Variants in MAP1B observed in about 807,000 individuals in gnomAD.
The protein encoded by MAP1B is microtubule-associated protein 1B.
A neutral mutation model predicts 176.1 loss-of-function variants in MAP1B; 12 were observed. The observed-to-expected ratio is 0.07, with a 90% CI of 0.04 to 0.11. The LOEUF (loss-of-function observed/expected upper bound fraction) is 0.11, where lower values mean the gene tolerates loss of function less well. Among genes scored for constraint, MAP1B ranks in the 10% least tolerant of loss-of-function variants. MAP1B has a pLI of 1.00. For missense variants in MAP1B, 2,523 were observed against 2,990.5 expected, an observed-to-expected ratio of 0.84 and a Z score of 3.65; for synonymous variants, 1,044 against 1,135.0, an observed-to-expected ratio of 0.92 and a Z score of 1.61.
At position 72,107,679 on chromosome 5, in the gene MAP1B, G is replaced by A. The variant is rs1745114739; in HGVS notation, c.148G>A (p.Glu50Lys). 5 of 1,599,904 alleles carry A rather than the reference G, an allele frequency of 3.1e-6. No homozygotes were observed. The highest frequency in any genetic ancestry group is 3.4e-6 in the Non-Finnish European group (4 of 1,179,650). The change falls in exon 1 of 7, where the codon GAG (glutamate) becomes AAG (lysine). Residue 50 changes from glutamate (E) to lysine (K), a missense_variant. Glu to Lys is a moderately conservative substitution (Grantham distance 56). Coordinates refer to ENST00000296755, the MANE Select transcript of MAP1B (RefSeq NM_005909.5). ...GGTCGTCGGCGAGATCGTGACCGAG[G>A]AGCACCTGCGGCGTGCCATCGGCAA... is the stretch of plus-strand genomic sequence containing the variant. ...LVVVGEIVTE[E>K]HLRRAIGNIE...
At chr5:72,156,598 C>T (rs1363262170) in intron 2 of MAP1B, among the ~76,000 whole-genome samples, 2 of 152,180 alleles carry the variant, frequency 1.3e-5, no homozygotes, top group Admixed American at 6.5e-5. Context: ...AACTCAGATT[C>T]GGACAGTGCT....
intron 2 of MAP1B, among the ~76,000 whole-genome samples, chr5:72,143,141 A>T (rs115340503): frequency 6.6e-6 from 1 of 152,164 alleles, no homozygotes; most frequent in Non-Finnish European, 1.5e-5. Flanking sequence ...GTGTAGAAAC[A>T]TCTTTGCACG....
intron 2 of MAP1B, chr5:72,116,541 G>A (rs1031548141): frequency 1.8e-5 from 6 of 336,862 alleles, no homozygotes; most frequent in Non-Finnish European, 2.8e-5. Context: ...TGCCTCTGGC[G>A]CTGGAGATGT....
At chr5:72,114,527 C>T (rs1016199951) in intron 1 of MAP1B, among the ~76,000 whole-genome samples, 4 of 152,196 alleles carry the variant, frequency 2.6e-5, no homozygotes, top group Non-Finnish European at 4.4e-5. Flanking sequence ...ATTGAGAATG[C>T]TGTATACAAA....
At chr5:72,165,985 C>G (rs914382253) in intron 2 of MAP1B, among the ~76,000 whole-genome samples, 2 of 152,180 alleles carry the variant, frequency 1.3e-5, no homozygotes, top group African/African-American at 4.8e-5. Flanking sequence ...CTCACAACAA[C>G]TCTTAGGGTA....
chr5:72,151,092 G>A (rs990066814), intron 2 of MAP1B, among the ~76,000 whole-genome samples: 8 of 152,274 alleles, frequency 5.3e-5, no homozygotes, highest in African/African-American at 1.7e-4. Context: ...GAAGCCTGGC[G>A]TTGGCATCTG....
In MAP1B at chr5:72,197,198, G is replaced by C; in HGVS notation, c.3843G>C (p.Leu1281=). The C allele has an allele frequency of 6.2e-7, 1 of 1,614,212 alleles. No individual in the cohort carries two copies. The highest frequency in any genetic ancestry group is 2.2e-5 in the East Asian group (1 of 44,888). The part of the protein sequence containing the change: ...PLGERSVNFS[L]TPNEIKVSAE... ...GTGAACGTAGTGTGAACTTCTCTCT[G>C]ACGCCCAATGAGATTAAAGTCTCTG... is the stretch of plus-strand genomic sequence containing the variant. Residue 1281 remains leucine (L), a synonymous_variant, in exon 5 of 7, where the codon CTG becomes CTC. Coordinates refer to ENST00000296755, the MANE Select transcript of MAP1B (RefSeq NM_005909.5).
At chr5:72,124,002 T>G (rs1745579278) in intron 2 of MAP1B, among the ~76,000 whole-genome samples, 1 of 152,134 alleles carries the variant, frequency 6.6e-6, no homozygotes, top group African/African-American at 2.4e-5. Context: ...GTGTGTCTAA[T>G]TCCTAAAGAA....
intron 2 of MAP1B, among the ~76,000 whole-genome samples, chr5:72,176,314 G>C (rs547425384): frequency 6.6e-6 from 1 of 152,318 alleles, no homozygotes; most frequent in South Asian, 2.1e-4. Flanking sequence ...TGGCATCACA[G>C]CTTGAAAATC....
intron 2 of MAP1B, among the ~76,000 whole-genome samples, chr5:72,120,721 C>T (rs1023275036): frequency 2.0e-5 from 3 of 152,138 alleles, no homozygotes; most frequent in Non-Finnish European, 2.9e-5. Flanking sequence ...CCACTGCGCC[C>T]GGCCCCACCT....
At chr5:72,160,168 G>C (rs1304519628) in intron 2 of MAP1B, among the ~76,000 whole-genome samples, 2 of 150,224 alleles carry the variant, frequency 1.3e-5, no homozygotes, top group African/African-American at 4.9e-5. Flanking sequence ...ATGTTATTAT[G>C]GATCAGGGAC....
At chr5:72,140,024 C>T (rs186931260) in intron 2 of MAP1B, among the ~76,000 whole-genome samples, 71 of 151,966 alleles carry the variant, frequency 4.7e-4, no homozygotes, top group South Asian at 3.5e-3. Flanking sequence ...TGCAGTGGCG[C>T]GGTCTCAGCT....
chr5:72,120,117 ACAAG>A (rs896691239), intron 2 of MAP1B, among the ~76,000 whole-genome samples: 2 of 152,246 alleles, frequency 1.3e-5, no homozygotes, highest in Admixed American at 1.3e-4. Flanking sequence ...TCATTTTGAA[ACAAG>A]CAAACAAATA....
chr5:72,155,490 A>G (rs760997096), intron 2 of MAP1B, among the ~76,000 whole-genome samples: 1 of 152,250 alleles, frequency 6.6e-6, no homozygotes, highest in Admixed American at 6.5e-5. Flanking sequence ...ATTAAATGAA[A>G]AATATAGCAG....
rs1178060795 is a variant in MAP1B, at chr5:72,107,657, C to G, written c.126C>G (p.Val42=). 3.1e-6 allele frequency: 5 copies of G among 1,600,060 alleles called. No individual in the cohort carries two copies. In the East Asian group the frequency reaches 8.9e-5, roughly 29 times the overall value. The change falls in exon 1 of 7, where the codon GTC becomes GTG. Residue 42 remains valine, a synonymous_variant. Coordinates refer to ENST00000296755, the MANE Select transcript of MAP1B (RefSeq NM_005909.5). ...FLDSKFYLLV[V]VGEIVTEEHL... ...ACAGCAAGTTCTACTTGCTGGTGGT[C>G]GTCGGCGAGATCGTGACCGAGGAGC...
At position 72,195,056 on chromosome 5, in the gene MAP1B, G is replaced by C. The variant is rs148605417; in HGVS notation, c.1701G>C (p.Glu567Asp). ...AGGAGTCAAAAGAAGAAACCCCTGA[G>C]GTCACAAAAGTGAATCACGTGGAAA... ...VRKESKEETPEVTKVNHVEKP... is the reference protein window; with the variant it reads ...VRKESKEETPDVTKVNHVEKP... The change falls in exon 5 of 7, where the codon GAG becomes GAC. Residue 567 changes from glutamate (E) to aspartate (D), a missense_variant. Coordinates refer to ENST00000296755, the MANE Select transcript of MAP1B (RefSeq NM_005909.5). The C allele has an allele frequency of 1.2e-6, 2 of 1,613,966 alleles. No individual in the cohort carries two copies. Among genetic ancestry groups the C allele is most frequent in the Non-Finnish European group, 1.7e-6 (2 of 1,180,012 alleles).
At chr5:72,115,908 C>T (rs941404917) in intron 2 of MAP1B, 109 bp downstream of exon 2, 5 of 741,300 alleles carry the variant, frequency 6.7e-6, no homozygotes, top group Non-Finnish European at 1.2e-5. Context: ...TAAAAGGATA[C>T]TTTGTATTTG....
chr5:72,162,690 C>T (rs571561092), intron 2 of MAP1B, among the ~76,000 whole-genome samples: 14 of 152,218 alleles, frequency 9.2e-5, no homozygotes, highest in Non-Finnish European at 1.9e-4. Context: ...ACACATTGTG[C>T]GGGACCCAAC....
chr5:72,145,411 T>C lies in MAP1B; in HGVS notation c.286+29612T>C, dbSNP rs75991156. On this transcript the variant is annotated intron_variant, in intron 2 of 6. Coordinates refer to ENST00000296755, the MANE Select transcript of MAP1B (RefSeq NM_005909.5). ...AGAGGGAACCGTGTTTCCATTGTCA[T>C]GCACCTGTCATTACACTGAATGAGT... Among the ~76,000 whole-genome samples the C allele has an allele frequency of 8.3e-3, 1,269 of 152,252 alleles. 20 individuals carry two copies. The highest frequency in any genetic ancestry group is 0.029 in the African/African-American group (1,221 of 41,536).
Sources: allele counts gnomAD v4.1 joint callset (sites outside exome capture counted in the v4.1 genomes callset), GRCh38; gene constraint gnomAD v4.1.1; transcripts MANE v1.5; gene names NCBI Gene and HGNC (gene_info 2026-07-23, HGNC 2026-07-21).